Variants in SNTB2 observed in about 807,000 individuals in gnomAD.
The protein encoded by SNTB2 is beta-2-syntrophin.
A neutral mutation model predicts 46.2 loss-of-function variants in SNTB2; 34 were observed. The ratio of observed to expected loss-of-function variants is 0.74; its 90% CI spans 0.56 to 0.98. SNTB2 has a LOEUF of 0.98. SNTB2 is among the 50% of genes least tolerant of loss of function. SNTB2 has a pLI of 0.00. For missense variants in SNTB2, 603 were observed against 731.4 expected, an observed-to-expected ratio of 0.82 and a Z score of 2.02; for synonymous variants, 290 against 312.6, an observed-to-expected ratio of 0.93 and a Z score of 0.76.
chr16:69,233,039 A>C (rs1229086420), intron 1 of SNTB2, among the ~76,000 whole-genome samples: 2 of 152,236 alleles, frequency 1.3e-5, no homozygotes, highest in African/African-American at 4.8e-5. Flanking sequence ...GGAAAGATGG[A>C]TAATGAACTG....
intron 3 of SNTB2, among the ~76,000 whole-genome samples, chr16:69,260,507 G>T (rs560825363): frequency 2.0e-5 from 3 of 152,202 alleles, no homozygotes; most frequent in Admixed American, 2.0e-4. Context: ...TACTAAAGAA[G>T]TTCTTATTAC....
intron 1 of SNTB2, among the ~76,000 whole-genome samples, chr16:69,205,352 A>C (rs1282802749): frequency 6.9e-6 from 1 of 144,374 alleles, no homozygotes; most frequent in Non-Finnish European, 1.5e-5. Flanking sequence ...TTATACTCTA[A>C]GTTTTAGGGT....
intron 4 of SNTB2, 95 bp downstream of exon 4, chr16:69,270,380 A>G: frequency 2.1e-6 from 3 of 1,453,684 alleles, no homozygotes; most frequent in Non-Finnish European, 2.8e-6. Flanking sequence ...AGGTGCCTAA[A>G]AGAGCATTTA....
At chr16:69,235,576 C>G (rs970298414) in intron 1 of SNTB2, 11 of 636,230 alleles carry the variant, frequency 1.7e-5, no homozygotes, top group African/African-American at 2.0e-5. Flanking sequence ...AGAAATGAGA[C>G]CAAAGTGGGG....
At chr16:69,192,070 A>G (rs1437243960) in intron 1 of SNTB2, among the ~76,000 whole-genome samples, 2 of 152,240 alleles carry the variant, frequency 1.3e-5, no homozygotes, top group Non-Finnish European at 2.9e-5. Flanking sequence ...TTTTTGATCC[A>G]GGAAGTGATG....
intron 1 of SNTB2, among the ~76,000 whole-genome samples, chr16:69,242,880 G>A (rs1448620606): frequency 6.6e-6 from 1 of 152,116 alleles, no homozygotes; most frequent in East Asian, 1.9e-4. Context: ...AATTAGCCGG[G>A]CGTGGTGGCG....
At chr16:69,230,112 T>G (rs988045762) in intron 1 of SNTB2, among the ~76,000 whole-genome samples, 1 of 152,030 alleles carries the variant, frequency 6.6e-6, no homozygotes, top group East Asian at 1.9e-4. Context: ...AAGTTAACTT[T>G]ATAATAATTT....
At chr16:69,265,052 A>T (rs1964871557) in intron 3 of SNTB2, among the ~76,000 whole-genome samples, 1 of 152,142 alleles carries the variant, frequency 6.6e-6, no homozygotes, top group African/African-American at 2.4e-5. Context: ...GATCAAGACC[A>T]TCCTGTCTAA....
chr16:69,299,905 A>C (rs188493203), intron 6 of SNTB2, 131 bp downstream of exon 6: 2 of 1,009,466 alleles, frequency 2.0e-6, no homozygotes, highest in African/African-American at 3.2e-5. Context: ...ATTAAAAAAA[A>C]TTTTTTTAAA....
chr16:69,213,001 A>G (rs1301254766), intron 1 of SNTB2, among the ~76,000 whole-genome samples: 1 of 152,178 alleles, frequency 6.6e-6, no homozygotes, highest in Admixed American at 6.5e-5. Flanking sequence ...CTGAGTCATA[A>G]TTATTTATTC....
At chr16:69,217,186 C>G (rs1283662470) in intron 1 of SNTB2, among the ~76,000 whole-genome samples, 3 of 152,166 alleles carry the variant, frequency 2.0e-5, no homozygotes, top group Non-Finnish European at 4.4e-5. Flanking sequence ...CTTTCTTTTT[C>G]CTTTTTTCCC....
At chr16:69,232,747 T>C (rs1318133316) in intron 1 of SNTB2, among the ~76,000 whole-genome samples, 1 of 151,874 alleles carries the variant, frequency 6.6e-6, no homozygotes, top group East Asian at 1.9e-4. Flanking sequence ...CTTGACTTCG[T>C]GATCCGCCCA....
chr16:69,210,311 C>T (rs1162403176), intron 1 of SNTB2, among the ~76,000 whole-genome samples: 1 of 147,132 alleles, frequency 6.8e-6, no homozygotes, highest in Non-Finnish European at 1.5e-5. Flanking sequence ...AGTCTTGGCT[C>T]ACTGTAACCT....
intron 1 of SNTB2, among the ~76,000 whole-genome samples, chr16:69,214,377 ACCT>A (rs775569082): frequency 1.1e-4 from 16 of 151,066 alleles, no homozygotes; most frequent in Middle Eastern, 3.5e-3. Flanking sequence ...TGAACTCCTG[ACCT>A]CAAGTGATCT....
chr16:69,258,611 T>TC (rs1964801937), intron 2 of SNTB2, among the ~76,000 whole-genome samples: 1 of 141,652 alleles, frequency 7.1e-6, no homozygotes, highest in Non-Finnish European at 1.5e-5. Context: ...CTTTCTTTTT[T>TC]TTTTTTTTTT....
chr16:69,284,208 C>G lies in SNTB2; in HGVS notation c.1309C>G (p.His437Asp), dbSNP rs756625135. The G allele has an allele frequency of 3.7e-6, 6 of 1,613,742 alleles. No individual in the cohort carries two copies. Among genetic ancestry groups the G allele is most frequent in the Non-Finnish European group, 4.2e-6 (5 of 1,179,868 alleles). Residue 437 changes from histidine to aspartate, a missense_variant, in exon 5 of 7, where the codon CAT becomes GAT. His to Asp is a moderately conservative substitution (Grantham distance 81). Around this residue, in one of 2 missense-constraint regions of SNTB2, gnomAD observed 537 missense variants for 692.4 expected, o/e 0.78. Coordinates refer to ENST00000336278, the MANE Select transcript of SNTB2 (RefSeq NM_006750.4). Reference sequence around the variant, plus strand: ...GACCAGGATACTTGTTCAGGGTTGCCATGCTGCTGCTGAGCTGATCAAGGA... The same window carrying G: ...GACCAGGATACTTGTTCAGGGTTGCGATGCTGCTGCTGAGCTGATCAAGGA... ...SWTRILVQGCHAAAELIKEVS... is the reference protein window; with the variant it reads ...SWTRILVQGCDAAAELIKEVS...
chr16:69,203,371 G>C (rs1191573097), intron 1 of SNTB2, among the ~76,000 whole-genome samples: 1 of 151,894 alleles, frequency 6.6e-6, no homozygotes, highest in Non-Finnish European at 1.5e-5. Flanking sequence ...GTCTCACTCT[G>C]TCTCCTGGGC....
intron 2 of SNTB2, among the ~76,000 whole-genome samples, chr16:69,257,364 A>T (rs993425876): frequency 6.6e-6 from 1 of 151,956 alleles, no homozygotes; most frequent in Admixed American, 6.6e-5. Context: ...TCTGAGTAAC[A>T]TGAACTTTCA....
At chr16:69,207,625 A>C (rs1483375650) in intron 1 of SNTB2, among the ~76,000 whole-genome samples, 1 of 152,204 alleles carries the variant, frequency 6.6e-6, no homozygotes, top group Admixed American at 6.5e-5. Flanking sequence ...AAGTGCACAG[A>C]TCATAAAAAC....
Sources: gnomAD v4.1 joint callset for allele counts (sites outside exome capture counted in the v4.1 genomes callset) on GRCh38, gnomAD v4.1.1 for gene constraint, gnomAD v4.1.1 regional missense constraint, MANE v1.5 for transcripts, NCBI Gene and HGNC (gene_info 2026-07-23, HGNC 2026-07-21) for gene names.